Variants in NOVA1 observed in about 807,000 individuals in gnomAD.
The protein encoded by NOVA1 is RNA-binding protein Nova-1.
Under a neutral mutation model 38.0 loss-of-function variants are expected in NOVA1, and 7 were observed. The observed-to-expected ratio is 0.18, with a 90% CI of 0.10 to 0.35. The LOEUF (loss-of-function observed/expected upper bound fraction) is 0.35. Ranked by LOEUF, NOVA1 falls within the 10% of genes least tolerant of loss-of-function variation. The pLI is 1.00. For synonymous variants in NOVA1, 270 were observed against 232.5 expected (o/e 1.16, Z -1.47); for missense variants, 460 against 616.0 (o/e 0.75, Z 2.68).
chr14:26,525,252 C>G (rs1304556076), intron 2 of NOVA1, among the ~76,000 whole-genome samples: 1 of 152,132 alleles, frequency 6.6e-6, no homozygotes, highest in East Asian at 1.9e-4. Context: ...TTGAATGTCT[C>G]AGCTGCAAAC....
chr14:26,449,707 G>C lies in NOVA1; in HGVS notation c.520-744C>G, dbSNP rs370201085. ...ACTATCTATATTTGTAAAATAATTA[G>C]TCTAATTATTCGCTTTTTTGGCTAT... On this transcript the variant is annotated intron_variant, in intron 4 of 4. Transcript: ENST00000539517. Among the ~76,000 whole-genome samples, 67 of 152,042 alleles carry C rather than the reference G, an allele frequency of 4.4e-4. 2 individuals carry two copies. In the South Asian group the frequency reaches 0.012, roughly 27 times the overall value.
chr14:26,462,525 G>A (rs1883769675), intron 4 of NOVA1, among the ~76,000 whole-genome samples: 2 of 152,124 alleles, frequency 1.3e-5, no homozygotes, highest in South Asian at 4.1e-4. Flanking sequence ...TATTAATTAA[G>A]AATCTACATA....
intron 2 of NOVA1, among the ~76,000 whole-genome samples, chr14:26,535,978 C>CAAA (rs533259615): frequency 1.3e-5 from 1 of 75,042 alleles, no homozygotes; most frequent in Non-Finnish European, 3.1e-5. Flanking sequence ...GACTCCGTCT[C>CAAA]AAAAAAAAAA....
intron 2 of NOVA1, among the ~76,000 whole-genome samples, chr14:26,556,028 T>C (rs1236903906): frequency 6.6e-6 from 1 of 152,162 alleles, no homozygotes; most frequent in African/African-American, 2.4e-5. Flanking sequence ...AAATGACCTA[T>C]TTCATGTACT....
At chr14:26,457,376 A>G (rs1883270807) in intron 4 of NOVA1, among the ~76,000 whole-genome samples, 1 of 152,112 alleles carries the variant, frequency 6.6e-6, no homozygotes, top group Non-Finnish European at 1.5e-5. Flanking sequence ...ATTTAAATGT[A>G]TACACAGTCA....
At chr14:26,563,901 G>A (rs1162607417) in intron 2 of NOVA1, among the ~76,000 whole-genome samples, 1 of 152,028 alleles carries the variant, frequency 6.6e-6, no homozygotes, top group Non-Finnish European at 1.5e-5. Flanking sequence ...ACCTAAAAAA[G>A]CCTTCATCCG....
At chr14:26,595,154 A>G (rs1894111436) in intron 2 of NOVA1, among the ~76,000 whole-genome samples, 1 of 152,138 alleles carries the variant, frequency 6.6e-6, no homozygotes, top group Non-Finnish European at 1.5e-5. Context: ...TTTTTTGCTA[A>G]TAAGAATTAT....
At chr14:26,534,251 G>C (rs535596460) in intron 2 of NOVA1, among the ~76,000 whole-genome samples, 2 of 152,122 alleles carry the variant, frequency 1.3e-5, no homozygotes, top group Non-Finnish European at 2.9e-5. Flanking sequence ...ATACAGAAAT[G>C]CAAGTGTGGG....
intron 2 of NOVA1, among the ~76,000 whole-genome samples, chr14:26,555,684 CTGTT>C (rs1891439173): frequency 6.6e-6 from 1 of 152,108 alleles, no homozygotes; most frequent in Admixed American, 6.5e-5. Flanking sequence ...CGTTAATTCA[CTGTT>C]AGTTAATAAT....
intron 2 of NOVA1, among the ~76,000 whole-genome samples, chr14:26,503,252 G>T (rs1376257924): frequency 6.6e-6 from 1 of 151,666 alleles, no homozygotes; most frequent in East Asian, 1.9e-4. Context: ...AACCCCAAAA[G>T]AAAATGAGCT....
At chr14:26,540,173 C>G (rs1254060888) in intron 2 of NOVA1, among the ~76,000 whole-genome samples, 1 of 152,174 alleles carries the variant, frequency 6.6e-6, no homozygotes, top group African/African-American at 2.4e-5. Flanking sequence ...CTATTAGGAG[C>G]CTGACCACAC....
chr14:26,529,150 T>C (rs1889518290), intron 2 of NOVA1, among the ~76,000 whole-genome samples: 1 of 152,000 alleles, frequency 6.6e-6, no homozygotes, highest in Non-Finnish European at 1.5e-5. Context: ...TCCTTTTTTT[T>C]CTTTTTAGAC....
intron 2 of NOVA1, among the ~76,000 whole-genome samples, chr14:26,523,076 T>A (rs1889020145): frequency 6.6e-6 from 1 of 152,172 alleles, no homozygotes; most frequent in Admixed American, 6.5e-5. Flanking sequence ...ATAAACAACC[T>A]GGCATTAGCT....
Position 26,444,047 on chromosome 14 carries a change from CA to C in NOVA1, c.*3911del, listed in dbSNP as rs1764422878. ...AGTAAATAAACTTTACTTAAGGACT[CA>C]GTGAGGAATCAGCATATAAATCAAG... On this transcript the variant is annotated 3_prime_UTR_variant, in exon 5 of 5. Transcript: ENST00000539517. 1 of 151,890 alleles carries C rather than the reference CA, an allele frequency of 6.6e-6. No homozygotes were observed. The allele number at this position is 151,890 out of a possible 1,614,324, so 9.4% of individuals were successfully genotyped here.
chr14:26,458,164 A>T (rs570838207), intron 4 of NOVA1, among the ~76,000 whole-genome samples: 2 of 152,132 alleles, frequency 1.3e-5, no homozygotes, highest in South Asian at 4.1e-4. Context: ...GTTATTAAAA[A>T]GCCAGAAAAT....
intron 2 of NOVA1, among the ~76,000 whole-genome samples, chr14:26,552,608 A>T (rs945907996): frequency 1.3e-5 from 2 of 152,116 alleles, no homozygotes; most frequent in Admixed American, 1.3e-4. Context: ...ATTGTTTCCT[A>T]TGGGTCAGGA....
intron 2 of NOVA1, among the ~76,000 whole-genome samples, chr14:26,533,009 T>C (rs1008888820): frequency 7.2e-5 from 11 of 152,228 alleles, no homozygotes; most frequent in Non-Finnish European, 1.0e-4. Context: ...GGTTTCTAAC[T>C]AAAAATGTGA....
Position 26,537,091 on chromosome 14 carries a change from A to G in NOVA1, c.281-56948T>C, listed in dbSNP as rs1211769478. Among the ~76,000 whole-genome samples the G allele has an allele frequency of 4.6e-5, 7 of 152,230 alleles. No individual in the cohort carries two copies. The South Asian group carries it at 1.2e-3, about 27-fold the overall frequency. On this transcript the variant is annotated intron_variant, in intron 2 of 4. Transcript: ENST00000539517. ...TAAATGAACACAATAACTTAAATAC[A>G]ATAATATGCCCTGTGTTAAATGTAT...
At chr14:26,558,014 A>C (rs1455343824) in intron 2 of NOVA1, among the ~76,000 whole-genome samples, 6 of 151,880 alleles carry the variant, frequency 4.0e-5, no homozygotes, top group Non-Finnish European at 8.8e-5. Flanking sequence ...AAAAAAGGTC[A>C]ATCTAAAAAG....
Sources: allele counts gnomAD v4.1 joint callset (sites outside exome capture counted in the v4.1 genomes callset), GRCh38; gene constraint gnomAD v4.1.1; transcripts MANE v1.5; gene names NCBI Gene and HGNC (gene_info 2026-07-23, HGNC 2026-07-21).